Variants in SAMD8 observed in about 807,000 individuals in gnomAD.
The protein encoded by SAMD8 is sphingomyelin synthase-related protein 1.
In SAMD8, 20 loss-of-function variants were observed where a neutral mutation model predicts 42.0. The observed-to-expected ratio is 0.48, with a 90% CI of 0.34 to 0.69. The LOEUF (loss-of-function observed/expected upper bound fraction) is 0.69, where lower values mean the gene tolerates loss of function less well. SAMD8 is among the 30% of genes least tolerant of loss of function. SAMD8 has a pLI of 0.01. For missense variants in SAMD8, 328 were observed against 511.6 expected (o/e 0.64, Z 3.46); for synonymous variants, 162 against 173.0 (o/e 0.94, Z 0.50).
At chr10:75,117,138 A>G (rs1202708353) in intron 1 of SAMD8, among the ~76,000 whole-genome samples, 2 of 151,170 alleles carry the variant, frequency 1.3e-5, no homozygotes, top group Admixed American at 6.6e-5. Flanking sequence ...TAAAGATTTT[A>G]CCAGCTGGGT....
chr10:75,168,730 AT>A, intron 4 of SAMD8, 72 bp downstream of exon 4: 1 of 915,638 alleles, frequency 1.1e-6, no homozygotes, highest in Non-Finnish European at 1.8e-6. Flanking sequence ...TAGGGCTAAG[AT>A]TTTGCTTATA....
upstream of SAMD8, chr10:75,109,110 C>G (rs760977554): frequency 6.2e-7 from 1 of 1,611,690 alleles, no homozygotes; most frequent in South Asian, 1.1e-5. Context: ...TGGGGCAAGG[C>G]GTGGCTTTGT....
At chr10:75,106,048 T>C (rs1010599968) in intron 1 of SAMD8, among the ~76,000 whole-genome samples, 4 of 152,122 alleles carry the variant, frequency 2.6e-5, no homozygotes, top group Non-Finnish European at 5.9e-5. Flanking sequence ...TCAACACCTG[T>C]TCTGCCTACC....
intron 1 of SAMD8, among the ~76,000 whole-genome samples, chr10:75,117,639 C>G (rs1448647068): frequency 6.6e-6 from 1 of 152,172 alleles, no homozygotes; most frequent in African/African-American, 2.4e-5. Flanking sequence ...ATTGCTTGAT[C>G]CCAGGAGGCA....
chr10:75,105,864 C>T (rs1848465632), intron 1 of SAMD8: 4 of 1,547,368 alleles, frequency 2.6e-6, no homozygotes, highest in East Asian at 4.9e-5. Flanking sequence ...GCACCAGGAC[C>T]TTGGCTGAGG....
intron 1 of SAMD8, chr10:75,105,643 T>C: frequency 6.5e-7 from 1 of 1,545,488 alleles, no homozygotes; most frequent in Non-Finnish European, 8.7e-7. Context: ...CATCCAGCTT[T>C]GCCCCCTGAG....
intron 4 of SAMD8, among the ~76,000 whole-genome samples, chr10:75,170,756 A>G (rs1840834281): frequency 6.9e-6 from 1 of 145,460 alleles, no homozygotes; most frequent in South Asian, 2.2e-4. Flanking sequence ...ACACACTCAT[A>G]TAAGTTTTTT....
intron 1 of SAMD8, among the ~76,000 whole-genome samples, chr10:75,148,971 A>T (rs1398238951): frequency 1.3e-5 from 2 of 152,226 alleles, no homozygotes; most frequent in Non-Finnish European, 2.9e-5. Context: ...GCAGATTTTT[A>T]AAAAAGAACA....
At chr10:75,103,994 A>G in intron 1 of SAMD8, 1 of 1,354,116 alleles carries the variant, frequency 7.4e-7, no homozygotes, top group Non-Finnish European at 9.8e-7. Flanking sequence ...GGCTTCCACC[A>G]TCTTCTGTGT....
chr10:75,138,355 A>G (rs1054518604), intron 1 of SAMD8, among the ~76,000 whole-genome samples: 1 of 152,164 alleles, frequency 6.6e-6, no homozygotes, highest in Non-Finnish European at 1.5e-5. Context: ...CCTGCAGCTG[A>G]TAAGTTGGAG....
chr10:75,175,884 A>G lies in SAMD8; in HGVS notation c.793-182A>G, dbSNP rs1840980229. 6 of 985,262 alleles carry G rather than the reference A, an allele frequency of 6.1e-6. No individual in the cohort carries two copies. The African/African-American group carries it at 7.0e-5, about 11-fold the overall frequency. 61.0% of individuals were successfully genotyped at this position (985,262 alleles called of 1,614,324 possible). A position where few individuals can be genotyped will look rare whatever the true frequency, so the allele number is the denominator to read the frequency against. Reference sequence around the variant, plus strand: ...TAATTACCAAAATATTTCTGAGTACAGCCAAGCTTTGCCCACCCATTCTTG... The same window carrying G: ...TAATTACCAAAATATTTCTGAGTACGGCCAAGCTTTGCCCACCCATTCTTG... On this transcript the variant is annotated intron_variant, in intron 4 of 5. Coordinates refer to ENST00000542569, the MANE Select transcript of SAMD8 (RefSeq NM_001174156.2).
intron 1 of SAMD8, among the ~76,000 whole-genome samples, chr10:75,117,527 C>T (rs1317593326): frequency 2.0e-5 from 3 of 152,004 alleles, no homozygotes; most frequent in Non-Finnish European, 4.4e-5. Context: ...CCACCCTGGC[C>T]AACATGGTGA....
rs1841019065 is a variant in SAMD8, at chr10:75,177,949, A to G, written c.*1257A>G. Reference sequence around the variant, plus strand: ...ACAGTAGGATGGTTATGGAATTGGAATTTAAACTCCCAACTAATGAGCTTA... The same window carrying G: ...ACAGTAGGATGGTTATGGAATTGGAGTTTAAACTCCCAACTAATGAGCTTA... On this transcript the variant is annotated 3_prime_UTR_variant, in exon 6 of 6. Transcript: ENST00000542569. 2.0e-5 allele frequency: 3 copies of G among 152,354 alleles called. No homozygotes were observed. Among genetic ancestry groups the G allele is most frequent in the Non-Finnish European group, 2.9e-5 (2 of 68,028 alleles). 9.4% of individuals were successfully genotyped at this position (152,354 alleles called of 1,614,324 possible). A position where few individuals can be genotyped will look rare whatever the true frequency, so the allele number is the denominator to read the frequency against.
chr10:75,164,700 T>A lies in SAMD8; in HGVS notation c.634T>A (p.Cys212Ser). 6.2e-7 allele frequency: 1 copy of A among 1,614,158 alleles called. No homozygotes were observed. The highest frequency in any genetic ancestry group is 8.5e-7 in the Non-Finnish European group (1 of 1,180,018). ...GACGGAAGTATGTGGCATGATTCTGTGCTATATTTGGCTCCTGGTTCTTCT... is the reference window on the plus strand; with the variant it reads ...GACGGAAGTATGTGGCATGATTCTGAGCTATATTTGGCTCCTGGTTCTTCT... ...AMTEVCGMIL[C>S]YIWLLVLLLH... Residue 212 changes from cysteine to serine, a missense_variant, in exon 3 of 6, where the codon TGC (cysteine) becomes AGC (serine). Coordinates refer to ENST00000542569, the MANE Select transcript of SAMD8 (RefSeq NM_001174156.2).
At chr10:75,171,753 G>C (rs926574815) in intron 4 of SAMD8, among the ~76,000 whole-genome samples, 1 of 152,150 alleles carries the variant, frequency 6.6e-6, no homozygotes, top group Admixed American at 6.5e-5. Flanking sequence ...GGCTAGACAA[G>C]GTGGCTCATG....
chr10:75,103,015 A>C (rs1848273072), intron 1 of SAMD8, among the ~76,000 whole-genome samples: 1 of 152,166 alleles, frequency 6.6e-6, no homozygotes, highest in African/African-American at 2.4e-5. Context: ...CGGGAAGCTG[A>C]GGTGGGAGAA....
At chr10:75,108,065 G>A (rs747671992), upstream of SAMD8, 5 of 1,613,806 alleles carry the variant, frequency 3.1e-6, no homozygotes, top group African/African-American at 6.7e-5. Context: ...CAAAATCAGG[G>A]AGGTCGTGGG....
intron 3 of SAMD8, among the ~76,000 whole-genome samples, chr10:75,164,979 A>C (rs1285972200): frequency 6.6e-6 from 1 of 152,202 alleles, no homozygotes. Context: ...CCTATGGCTG[A>C]TCGTGCTCAT....
chr10:75,167,759 ATTTT>A (rs1378777135), intron 3 of SAMD8, among the ~76,000 whole-genome samples: 3 of 151,422 alleles, frequency 2.0e-5, no homozygotes, highest in African/African-American at 7.3e-5. Flanking sequence ...CATCCAGCTC[ATTTT>A]TAAATTATTT....
Sources: allele counts gnomAD v4.1 joint callset (sites outside exome capture counted in the v4.1 genomes callset), GRCh38; gene constraint gnomAD v4.1.1; transcripts MANE v1.5; gene names NCBI Gene and HGNC (gene_info 2026-07-23, HGNC 2026-07-21).